STK35: variants seen among roughly 807,000 people sequenced by gnomAD.
STK35 encodes serine/threonine-protein kinase 35.
A neutral mutation model predicts 37.3 loss-of-function variants in STK35; 17 were observed. That is an observed-to-expected ratio of 0.46 (90% CI 0.31 to 0.68). The LOEUF is 0.68. Among genes scored for constraint, STK35 ranks in the 30% least tolerant of loss-of-function variants. STK35 has a pLI of 0.05. For missense variants in STK35, 595 were observed against 746.7 expected (o/e 0.80, Z 2.37); for synonymous variants, 385 against 319.1 (o/e 1.21, Z -2.20).
In STK35 at chr20:2,113,752, T is replaced by C. The variant is rs142112772; in HGVS notation, c.893-2914T>C. 7.7e-4 allele frequency among the ~76,000 whole-genome samples: 117 copies of C among 152,312 alleles called. 1 individual carries two copies. The highest frequency in any genetic ancestry group is 2.8e-3 in the African/African-American group (115 of 41,566). On this transcript the variant is annotated intron_variant, in intron 2 of 3. Coordinates refer to ENST00000381482, the MANE Select transcript of STK35 (RefSeq NM_080836.4). Reference sequence around the variant, plus strand: ...GATGTTAGTGATGGTCAGTGGTTCATTTCCCCAAAAAGATCTTACATTCTG... The same window carrying C: ...GATGTTAGTGATGGTCAGTGGTTCACTTCCCCAAAAAGATCTTACATTCTG...
At chr20:2,116,285 C>T (rs1222180182) in intron 2 of STK35, among the ~76,000 whole-genome samples, 2 of 152,170 alleles carry the variant, frequency 1.3e-5, no homozygotes, top group African/African-American at 2.4e-5. Context: ...CATGGAGTAA[C>T]AATGATATTA....
intron 3 of STK35, among the ~76,000 whole-genome samples, chr20:2,135,535 C>G (rs1466976469): frequency 6.6e-6 from 1 of 152,218 alleles, no homozygotes; most frequent in Admixed American, 6.5e-5. Flanking sequence ...TGCCATTTTA[C>G]AAATGGTTGG....
At position 2,102,147 on chromosome 20, in the gene STK35, C is replaced by A. The variant is rs1370843932; in HGVS notation, c.266C>A (p.Ala89Asp). 4 of 1,375,042 alleles carry A rather than the reference C, an allele frequency of 2.9e-6. No individual in the cohort carries two copies. The highest frequency in any genetic ancestry group is 3.8e-6 in the Non-Finnish European group (4 of 1,062,540). The allele number at this position is 1,375,042 out of a possible 1,614,324, so 85.2% of individuals were successfully genotyped here. The change falls in exon 1 of 4, where the codon GCC (alanine) becomes GAC (aspartate). Residue 89 changes from alanine (A) to aspartate (D), a missense_variant. Ala to Asp is a moderately radical substitution (Grantham distance 126). Coordinates refer to ENST00000381482, the MANE Select transcript of STK35 (RefSeq NM_080836.4). ...GCAGGGGCTCCAGGGGGGAAACGGG[C>A]CGCCCGGAAGTGGAGGTGCGCGGGC... ...PQAGAPGGKR[A>D]ARKWRCAGQV...
At chr20:2,112,932 G>A (rs1230558941) in intron 2 of STK35, among the ~76,000 whole-genome samples, 1 of 152,162 alleles carries the variant, frequency 6.6e-6, no homozygotes, top group African/African-American at 2.4e-5. Flanking sequence ...GATTTTAGTG[G>A]TTGCTGCATA....
At chr20:2,135,719 C>T (rs1181263369) in intron 3 of STK35, among the ~76,000 whole-genome samples, 14 of 152,138 alleles carry the variant, frequency 9.2e-5, no homozygotes, top group Non-Finnish European at 1.5e-4. Context: ...AAAAATTAGC[C>T]GGGCGTGGTG....
intron 3 of STK35, among the ~76,000 whole-genome samples, chr20:2,130,821 G>A (rs548469626): frequency 2.6e-5 from 4 of 152,240 alleles, no homozygotes; most frequent in African/African-American, 9.6e-5. Flanking sequence ...ACCTTATCTG[G>A]ACGGTCAGCC....
intron 3 of STK35, among the ~76,000 whole-genome samples, chr20:2,134,316 GA>G (rs1986049049): frequency 6.6e-6 from 1 of 151,342 alleles, no homozygotes; most frequent in South Asian, 2.1e-4. Context: ...AACTTTCAAG[GA>G]GGAGGAGGAC....
intron 3 of STK35, among the ~76,000 whole-genome samples, chr20:2,118,596 T>A (rs1054611506): frequency 6.6e-6 from 1 of 151,732 alleles, no homozygotes; most frequent in Non-Finnish European, 1.5e-5. Flanking sequence ...AAAAAAAAAA[T>A]TTATTGTGAG....
In STK35 at chr20:2,144,074, G is replaced by A. The variant is rs1188312103; in HGVS notation, c.*328G>A. The A allele has an allele frequency of 1.2e-5, 4 of 340,984 alleles. No homozygotes were observed. The Admixed American group carries it at 1.3e-4, about 11-fold the overall frequency. The allele number at this position is 340,984 out of a possible 1,614,324, so 21.1% of individuals were successfully genotyped here. ...TTTAAAGAAATTCAATGTGGGCAAGGCATATGTGTAAATTTCACTTTTACT... is the reference window on the plus strand; with the variant it reads ...TTTAAAGAAATTCAATGTGGGCAAGACATATGTGTAAATTTCACTTTTACT... On this transcript the variant is annotated 3_prime_UTR_variant, in exon 4 of 4. Coordinates refer to ENST00000381482, the MANE Select transcript of STK35 (RefSeq NM_080836.4).
At chr20:2,105,282 A>G (rs1466749199) in intron 2 of STK35, among the ~76,000 whole-genome samples, 1 of 152,154 alleles carries the variant, frequency 6.6e-6, no homozygotes, top group East Asian at 1.9e-4. Flanking sequence ...CTGCCAATGA[A>G]TGGTCTGGAC....
At chr20:2,128,726 A>G (rs1341255429) in intron 3 of STK35, among the ~76,000 whole-genome samples, 1 of 152,122 alleles carries the variant, frequency 6.6e-6, no homozygotes, top group African/African-American at 2.4e-5. Flanking sequence ...ATTCCTGTGA[A>G]GTCTGAATGG....
intron 3 of STK35, among the ~76,000 whole-genome samples, chr20:2,138,697 TA>T (rs1353649944): frequency 6.6e-6 from 1 of 152,106 alleles, no homozygotes; most frequent in East Asian, 1.9e-4. Context: ...CATTCCTACT[TA>T]CTTTCATCAT....
intron 2 of STK35, among the ~76,000 whole-genome samples, chr20:2,105,945 C>G (rs1482091287): frequency 6.6e-6 from 1 of 152,024 alleles, no homozygotes; most frequent in Non-Finnish European, 1.5e-5. Flanking sequence ...TGGATTGGTC[C>G]CTTTCAGTTG....
At chr20:2,105,313 T>C (rs1985493592) in intron 2 of STK35, among the ~76,000 whole-genome samples, 1 of 152,230 alleles carries the variant, frequency 6.6e-6, no homozygotes, top group Admixed American at 6.5e-5. Context: ...AGGATTGCCT[T>C]GGGATGTAGG....
intron 2 of STK35, among the ~76,000 whole-genome samples, chr20:2,112,351 G>A (rs1049648171): frequency 1.3e-5 from 2 of 152,138 alleles, no homozygotes; most frequent in African/African-American, 2.4e-5. Flanking sequence ...GCTTGGTTTT[G>A]TTCTTGGGTT....
At chr20:2,124,919 G>GT (rs1423380835) in intron 3 of STK35, among the ~76,000 whole-genome samples, 1 of 152,164 alleles carries the variant, frequency 6.6e-6, no homozygotes, top group East Asian at 1.9e-4. Context: ...TCTCTTGATT[G>GT]TTTCTGCCGC....
At chr20:2,114,584 T>G (rs1302968009) in intron 2 of STK35, among the ~76,000 whole-genome samples, 1 of 152,214 alleles carries the variant, frequency 6.6e-6, no homozygotes, top group Non-Finnish European at 1.5e-5. Flanking sequence ...CAGCCCCTCC[T>G]GTAGCATCTC....
Position 2,103,169 on chromosome 20 carries a change from G to T in STK35, c.696G>T (p.Lys232Asn). 6.2e-7 allele frequency: 1 copy of T among 1,607,310 alleles called. No individual in the cohort carries two copies. The change falls in exon 2 of 4, where the codon AAG (lysine) becomes AAT (asparagine). Residue 232 changes from lysine (K) to asparagine (N), a missense_variant. By Grantham distance (94) the Lys-to-Asn change is moderately conservative (BLOSUM62 0). Coordinates refer to ENST00000381482, the MANE Select transcript of STK35 (RefSeq NM_080836.4). ...GCGGGGCCCGGGTGGCGGTCAAGAAGATCCGCTGCGACGCCCCCGAGAACG... is the reference window on the plus strand; with the variant it reads ...GCGGGGCCCGGGTGGCGGTCAAGAATATCCGCTGCGACGCCCCCGAGAACG... ...GRSGARVAVK[K>N]IRCDAPENVE...
intron 2 of STK35, among the ~76,000 whole-genome samples, chr20:2,107,523 C>T (rs1000964899): frequency 1.3e-5 from 2 of 152,114 alleles, no homozygotes; most frequent in Admixed American, 6.5e-5. Flanking sequence ...ATGCAGAGGA[C>T]GCATGCCCAC....
Sources: gnomAD v4.1 joint callset for allele counts (sites outside exome capture counted in the v4.1 genomes callset) on GRCh38, gnomAD v4.1.1 for gene constraint, MANE v1.5 for transcripts, NCBI Gene and HGNC (gene_info 2026-07-23, HGNC 2026-07-21) for gene names.